Variants in SLC12A2 observed in about 807,000 individuals in gnomAD.
The protein encoded by SLC12A2 is Na-K-2Cl cotransporter 1.
Under a neutral mutation model 136.3 loss-of-function variants are expected in SLC12A2, and 67 were observed. The observed-to-expected ratio is 0.49, with a 90% CI of 0.40 to 0.60. The LOEUF is 0.60. Ranked by LOEUF, SLC12A2 falls within the 20% of genes least tolerant of loss-of-function variation. The probability of loss-of-function intolerance (pLI) is 0.00; values close to 1 mark genes in which losing one functional copy is unlikely to be tolerated. For missense variants in SLC12A2, 1,322 were observed against 1,534.7 expected (o/e 0.86, Z 2.32); for synonymous variants, 619 against 562.9 (o/e 1.10, Z -1.41).
intron 19 of SLC12A2, among the ~76,000 whole-genome samples, chr5:128,172,977 CAAAA>C (rs371656696): frequency 1.4e-5 from 2 of 140,004 alleles, no homozygotes; most frequent in Non-Finnish European, 3.1e-5. Context: ...AAACAAAAAA[CAAAA>C]AAAAAACAAC....
At chr5:128,127,876 TCTTA>T (rs1385741589) in intron 4 of SLC12A2, among the ~76,000 whole-genome samples, 4 of 152,234 alleles carry the variant, frequency 2.6e-5, no homozygotes, top group African/African-American at 7.2e-5. Context: ...TTGGCTTTCT[TCTTA>T]CTGTTTTTTC....
At chr5:128,173,125 CG>C (rs1763434631) in intron 19 of SLC12A2, among the ~76,000 whole-genome samples, 1 of 152,106 alleles carries the variant, frequency 6.6e-6, no homozygotes, top group South Asian at 2.1e-4. Context: ...AGCCTAAATA[CG>C]TAAGAGGTAT....
At chr5:128,133,319 A>G (rs999652620) in intron 5 of SLC12A2, among the ~76,000 whole-genome samples, 1 of 152,000 alleles carries the variant, frequency 6.6e-6, no homozygotes, top group African/African-American at 2.4e-5. Flanking sequence ...GCATCTTTGG[A>G]TCTTTGGATC....
intron 18 of SLC12A2, chr5:128,169,522 G>A (rs1045425897): frequency 1.3e-5 from 2 of 152,106 alleles, no homozygotes; most frequent in East Asian, 1.9e-4. Context: ...CCAACTAATC[G>A]TTAAATGCTT....
At chr5:128,106,480 A>G (rs1198190379) in intron 1 of SLC12A2, among the ~76,000 whole-genome samples, 1 of 152,186 alleles carries the variant, frequency 6.6e-6, no homozygotes, top group African/African-American at 2.4e-5. Flanking sequence ...TATTTCAGGA[A>G]ATTAATACAA....
intron 6 of SLC12A2, among the ~76,000 whole-genome samples, chr5:128,134,800 C>A (rs184673487): frequency 1.3e-5 from 2 of 152,134 alleles, no homozygotes; most frequent in South Asian, 4.1e-4. Context: ...AGAATTAGAG[C>A]ATCATAGCAC....
intron 1 of SLC12A2, among the ~76,000 whole-genome samples, chr5:128,103,932 T>C (rs1040410176): frequency 6.6e-6 from 1 of 152,200 alleles, no homozygotes; most frequent in Non-Finnish European, 1.5e-5. Flanking sequence ...AAAATAGAAA[T>C]GTCACTTCTA....
In SLC12A2 at chr5:128,152,906, G is replaced by A. The variant is rs369194444; in HGVS notation, c.2363+101G>A. On this transcript the variant is annotated intron_variant, in intron 15 of 26. Coordinates refer to ENST00000262461, the MANE Select transcript of SLC12A2 (RefSeq NM_001046.3). ...TCATGTACATTTCACATTTTTAATCGGTCTTGGGCAGTTTAATTATTCAAG... is the reference window on the plus strand; with the variant it reads ...TCATGTACATTTCACATTTTTAATCAGTCTTGGGCAGTTTAATTATTCAAG... 2,804 of 717,516 alleles carry A rather than the reference G, an allele frequency of 3.9e-3. 79 individuals carry two copies. In the South Asian group the frequency reaches 0.044, roughly 11 times the overall value. The allele number at this position is 717,516 out of a possible 1,614,324, so 44.4% of individuals were successfully genotyped here.
intron 15 of SLC12A2, among the ~76,000 whole-genome samples, chr5:128,157,496 G>A (rs1208755928): frequency 6.6e-6 from 1 of 151,988 alleles, no homozygotes. Flanking sequence ...GATTAGAGAG[G>A]GCTGATATCA....
rs542192991 is a variant in SLC12A2, at chr5:128,084,138, G to C, written c.184G>C (p.Ala62Pro). Residue 62 changes from alanine (A) to proline (P), a missense_variant, in exon 1 of 27, where the codon GCG (alanine) becomes CCG (proline). Ala to Pro is a conservative substitution (Grantham distance 27). This residue lies in a region of SLC12A2 where 358 missense variants were observed against 299.7 expected (regional missense o/e 1.19). Transcript: ENST00000262461. This position sits in a 1 kb window ranked among gnomAD's most constrained non-coding sequence, Gnocchi z 5.6. ...CGGCGGGGTCCGCGATGAGGGCCCC[G>C]CGGCGGCCGGGGACGGGCTGGGCAG... Reference protein sequence around the residue: ...DGGGVRDEGPAAAGDGLGRPL... With the variant: ...DGGGVRDEGPPAAGDGLGRPL... 13 of 1,297,098 alleles carry C rather than the reference G, an allele frequency of 1.0e-5. No individual in the cohort carries two copies. Among genetic ancestry groups the C allele is most frequent in the Non-Finnish European group, 1.3e-5 (13 of 1,028,734 alleles). The allele number at this position is 1,297,098 out of a possible 1,614,324, so 80.3% of individuals were successfully genotyped here.
chr5:128,089,787 A>T (rs1760243516), intron 1 of SLC12A2, among the ~76,000 whole-genome samples: 1 of 152,198 alleles, frequency 6.6e-6, no homozygotes, highest in African/African-American at 2.4e-5. Context: ...AACACTAAAT[A>T]ATTACAGAAT....
chr5:128,183,068 C>A, intron 24 of SLC12A2, 127 bp downstream of exon 24: 1 of 570,432 alleles, frequency 1.8e-6, no homozygotes, highest in Middle Eastern at 3.1e-4. Flanking sequence ...TTTAAAAAAT[C>A]TAGCATTGAT....
chr5:128,116,197 C>G (rs1761343717), intron 4 of SLC12A2, among the ~76,000 whole-genome samples: 1 of 152,064 alleles, frequency 6.6e-6, no homozygotes, highest in Admixed American at 6.6e-5. Flanking sequence ...TTCCTCAGAC[C>G]TTAGAATCTA....
At chr5:128,117,138 A>G (rs997602175) in intron 4 of SLC12A2, among the ~76,000 whole-genome samples, 6 of 152,196 alleles carry the variant, frequency 3.9e-5, no homozygotes, top group African/African-American at 1.2e-4. Context: ...AAAAGAACCA[A>G]CGGACTTTAG....
At chr5:128,138,206 T>C (rs1762246894) in intron 7 of SLC12A2, among the ~76,000 whole-genome samples, 1 of 152,200 alleles carries the variant, frequency 6.6e-6, no homozygotes, top group Non-Finnish European at 1.5e-5. Flanking sequence ...CCCAACGTGC[T>C]GAAATTACAG....
intron 1 of SLC12A2, among the ~76,000 whole-genome samples, chr5:128,087,030 CAGA>C (rs2126634931): frequency 6.6e-6 from 1 of 152,302 alleles, no homozygotes; most frequent in East Asian, 1.9e-4. Context: ...TTGGGAACTA[CAGA>C]AGAAGAAAAG....
At chr5:128,111,090 A>C in intron 1 of SLC12A2, 1 of 513,408 alleles carries the variant, frequency 1.9e-6, no homozygotes, top group Non-Finnish European at 3.6e-6. Flanking sequence ...ACAATATAAA[A>C]TCTGTGTGAT....
intron 6 of SLC12A2, 140 bp from the exon 7 acceptor site, chr5:128,135,560 A>G (rs1297737077): frequency 8.6e-6 from 5 of 580,674 alleles, no homozygotes; most frequent in Non-Finnish European, 1.5e-5. Context: ...TGCTTGGCAT[A>G]TGGCATTGTT....
chr5:128,160,040 A>G (rs1285310791), intron 16 of SLC12A2, among the ~76,000 whole-genome samples: 1 of 152,234 alleles, frequency 6.6e-6, no homozygotes, highest in African/African-American at 2.4e-5. Flanking sequence ...CATATACACA[A>G]TGGAATACTA....
Sources: gnomAD v4.1 joint callset for allele counts (sites outside exome capture counted in the v4.1 genomes callset) on GRCh38, gnomAD v4.1.1 for gene constraint, gnomAD v4.1.1 regional missense constraint, Gnocchi (gnomAD v3.1) non-coding constraint, MANE v1.5 for transcripts, NCBI Gene and HGNC (gene_info 2026-07-23, HGNC 2026-07-21) for gene names.